Variants in HERC1 observed in about 807,000 individuals in gnomAD.
HERC1 encodes probable E3 ubiquitin-protein ligase HERC1.
A neutral mutation model predicts 554.3 loss-of-function variants in HERC1; 160 were observed. The observed-to-expected ratio is 0.29, with a 90% CI of 0.25 to 0.33. HERC1 has a LOEUF of 0.33. Among genes scored for constraint, HERC1 ranks in the 10% least tolerant of loss-of-function variants. The pLI is 1.00. For missense variants in HERC1, 4,919 were observed against 5,918.5 expected (o/e 0.83, Z 5.54); for synonymous variants, 2,175 against 2,131.7 (o/e 1.02, Z -0.56).
chr15:63,762,180 T>G (rs2075633664), intron 3 of HERC1, among the ~76,000 whole-genome samples: 1 of 152,150 alleles, frequency 6.6e-6, no homozygotes, highest in Non-Finnish European at 1.5e-5. Context: ...CTCTAAAAGA[T>G]TATGAGGCTT....
intron 75 of HERC1, 74 bp from the exon 76 acceptor site, chr15:63,615,994 GGCACA>G: frequency 8.0e-7 from 1 of 1,242,648 alleles, no homozygotes; most frequent in South Asian, 1.5e-5. Flanking sequence ...ATACAAATAC[GGCACA>G]GCAATAACAA....
At position 63,713,649 on chromosome 15, in the gene HERC1, G is replaced by A. The variant is rs754059098; in HGVS notation, c.4167C>T (p.Phe1389=). 1 of 1,609,698 alleles carries A rather than the reference G, an allele frequency of 6.2e-7. No individual in the cohort carries two copies. Among genetic ancestry groups the A allele is most frequent in the African/African-American group, 1.3e-5 (1 of 74,912 alleles). ...TACGAGCTACTTCACGGGCTGAGAG[G>A]AAACACTGAAAGATTTCTGTAACAT... is the stretch of plus-strand genomic sequence containing the variant. The part of the protein sequence containing the change: ...VMTAGKIFQC[F]LSAREVARSR... The change falls in exon 23 of 78, where the codon TTC becomes TTT. Residue 1389 remains phenylalanine (F), a synonymous_variant. Coordinates refer to ENST00000443617, the MANE Select transcript of HERC1 (RefSeq NM_003922.4).
At position 63,715,033 on chromosome 15, in the gene HERC1, G is replaced by C. The variant is rs535017320; in HGVS notation, c.4150+1269C>G. Among the ~76,000 whole-genome samples the C allele has an allele frequency of 2.0e-5, 3 of 152,120 alleles. No homozygotes were observed. The East Asian group carries it at 5.8e-4, about 29-fold the overall frequency. ...AATCAAAGCAATAAACCCTCTCAGA[G>C]TCCAGAGCTAGAAATCAATTAAAGT... On this transcript the variant is annotated intron_variant, in intron 22 of 77. Coordinates refer to ENST00000443617, the MANE Select transcript of HERC1 (RefSeq NM_003922.4).
In HERC1 at chr15:63,679,921, T is replaced by C. The variant is rs140836204; in HGVS notation, c.6549+156A>G. ...GCCTTAATATTAATATATCGTAAAG[T>C]CAATTTCTGAAAGTAACCTTCTTCT... On this transcript the variant is annotated intron_variant, in intron 36 of 77. Coordinates refer to ENST00000443617, the MANE Select transcript of HERC1 (RefSeq NM_003922.4). 1.6e-4 allele frequency among the ~76,000 whole-genome samples: 25 copies of C among 152,322 alleles called. No homozygotes were observed. In the East Asian group the frequency reaches 4.2e-3, roughly 26 times the overall value.
Position 63,612,002 on chromosome 15 carries a change from T to C in HERC1, c.14400+249A>G, listed in dbSNP as rs995560310. On this transcript the variant is annotated intron_variant, in intron 77 of 77. Coordinates refer to ENST00000443617, the MANE Select transcript of HERC1 (RefSeq NM_003922.4). This position sits in a 1 kb window ranked among gnomAD's most constrained non-coding sequence, Gnocchi z 5.0. ...TAGTTCAAGACCAGCCTGGCCAACATGGTGAATCCCCGTCTCTACCAAAAT... is the reference window on the plus strand; with the variant it reads ...TAGTTCAAGACCAGCCTGGCCAACACGGTGAATCCCCGTCTCTACCAAAAT... Among the ~76,000 whole-genome samples, 6 of 152,106 alleles carry C rather than the reference T, an allele frequency of 3.9e-5. No homozygotes were observed. Among genetic ancestry groups the C allele is most frequent in the African/African-American group, 1.2e-4 (5 of 41,424 alleles).
intron 44 of HERC1, among the ~76,000 whole-genome samples, 189 bp from the exon 45 acceptor site, chr15:63,662,210 CCT>C (rs2070392777): frequency 2.0e-5 from 3 of 151,678 alleles, no homozygotes; most frequent in Admixed American, 1.3e-4. Flanking sequence ...TGTTCTTTGC[CCT>C]CTCTCACTCT....
rs1405085125 is a variant in HERC1 at position 63,756,713 on chromosome 15, A to T, written c.1257T>A (p.Ser419=). The T allele has an allele frequency of 1.2e-6, 2 of 1,611,794 alleles. No homozygotes were observed. Among genetic ancestry groups the T allele is most frequent in the African/African-American group, 1.3e-5 (1 of 74,990 alleles). The change falls in exon 5 of 78, where the codon TCT becomes TCA. Residue 419 remains serine (S), a synonymous_variant. Coordinates refer to ENST00000443617, the MANE Select transcript of HERC1 (RefSeq NM_003922.4). The surrounding 1 kb of genome is among the most constrained non-coding windows in gnomAD (Gnocchi z 5.0). ...CGCAAGCTCTAACAGAGCCATCCGTAGAAATGACAAAAGTGCAGTACTGTC... is the reference window on the plus strand; with the variant it reads ...CGCAAGCTCTAACAGAGCCATCCGTTGAAATGACAAAAGTGCAGTACTGTC... ...EAGQYCTFVI[S]TDGSVRACGK...
intron 25 of HERC1, among the ~76,000 whole-genome samples, chr15:63,699,654 T>C (rs1344856907): frequency 2.0e-5 from 3 of 152,170 alleles, no homozygotes; most frequent in Non-Finnish European, 4.4e-5. Flanking sequence ...GACAAGAATA[T>C]GAGATTTACT....
chr15:63,674,666 G>A lies in HERC1; in HGVS notation c.7522C>T (p.Leu2508=). 6.2e-7 allele frequency: 1 copy of A among 1,613,870 alleles called. No individual in the cohort carries two copies. Among genetic ancestry groups the A allele is most frequent in the Non-Finnish European group, 8.5e-7 (1 of 1,179,808 alleles). Residue 2508 remains leucine (L), a synonymous_variant, in exon 38 of 78, where the codon CTG becomes TTG. Coordinates refer to ENST00000443617, the MANE Select transcript of HERC1 (RefSeq NM_003922.4). ...VAQSEIRAVQ[L]SYLYLGAMKS... is the part of the protein sequence containing the mutation. ...ATAGCACCGAGGTAAAGATAGGACA[G>A]CTGGACTGCTCTGATTTCTGACTGG...
intron 68 of HERC1, among the ~76,000 whole-genome samples, chr15:63,631,782 C>T (rs2068569748): frequency 6.6e-6 from 1 of 152,164 alleles, no homozygotes; most frequent in South Asian, 2.1e-4. Context: ...TTTAGGTGAT[C>T]CACCCGCCTC....
Position 63,678,234 on chromosome 15 carries a change from G to A in HERC1, c.6681C>T (p.Asp2227=). The change falls in exon 37 of 78, where the codon GAC becomes GAT. Residue 2227 remains aspartate (D), a synonymous_variant. Coordinates refer to ENST00000443617, the MANE Select transcript of HERC1 (RefSeq NM_003922.4). ...TTTTGTTAATGCAGTAAGTCCAACGGTCTGTTCGGTGAAGGATACGGATGA... is the reference window on the plus strand; with the variant it reads ...TTTTGTTAATGCAGTAAGTCCAACGATCTGTTCGGTGAAGGATACGGATGA... The part of the protein sequence containing the change: ...IQLIRILHRT[D]RWTYCINKKM... 6.2e-7 allele frequency: 1 copy of A among 1,613,654 alleles called. No individual in the cohort carries two copies. Among genetic ancestry groups the A allele is most frequent in the Non-Finnish European group, 8.5e-7 (1 of 1,179,822 alleles).
chr15:63,612,573 T>C lies in HERC1; in HGVS notation c.14095-17A>G. On this transcript the variant is annotated splice_polypyrimidine_tract_variant and intron_variant, in intron 76 of 77. Coordinates refer to ENST00000443617, the MANE Select transcript of HERC1 (RefSeq NM_003922.4). The surrounding 1 kb of genome is among the most constrained non-coding windows in gnomAD (Gnocchi z 5.0). The stretch of plus-strand genomic sequence containing the variant: ...TGCAGCCACCTGCTCCCGGGAGAGG[T>C]TGCTCATTCAATGAGTGTGCGTGAA... The C allele has an allele frequency of 2.5e-6, 4 of 1,606,318 alleles. No homozygotes were observed. The highest frequency in any genetic ancestry group is 1.3e-5 in the African/African-American group (1 of 74,986).
At chr15:63,810,775 T>C (rs2077280354) in intron 1 of HERC1, among the ~76,000 whole-genome samples, 1 of 152,184 alleles carries the variant, frequency 6.6e-6, no homozygotes, top group African/African-American at 2.4e-5. Flanking sequence ...AAAGTGTACA[T>C]TTGCAAAGAA....
intron 65 of HERC1, 31 bp downstream of exon 65, chr15:63,635,930 G>A (rs2068760022): frequency 6.2e-7 from 1 of 1,606,398 alleles, no homozygotes; most frequent in African/African-American, 1.3e-5. Context: ...TATTTACAAT[G>A]AAAGGCAAAC....
In HERC1 at chr15:63,754,525, G is replaced by C. The variant is rs1359444943; in HGVS notation, c.1754C>G (p.Ser585Cys). 6.2e-7 allele frequency: 1 copy of C among 1,607,248 alleles called. No individual in the cohort carries two copies. Among genetic ancestry groups the C allele is most frequent in the Admixed American group, 1.7e-5 (1 of 59,338 alleles). ...ALSKDGRTVW[S>C]FGGGDNGKLG... ...CATACCATTGTCTCCTCCTCCAAAAGACCATACAGTTCTCCCATCTTTAGA... is the reference window on the plus strand; with the variant it reads ...CATACCATTGTCTCCTCCTCCAAAACACCATACAGTTCTCCCATCTTTAGA... Residue 585 changes from serine to cysteine, a missense_variant, in exon 7 of 78, where the codon TCT becomes TGT. Transcript: ENST00000443617.
chr15:63,628,166 G>A (rs1595851392), intron 70 of HERC1, among the ~76,000 whole-genome samples: 1 of 152,126 alleles, frequency 6.6e-6, no homozygotes, highest in Non-Finnish European at 1.5e-5. Flanking sequence ...TGAGGCGGGC[G>A]GATCACTGGA....
At chr15:63,772,306 GA>G (rs1287472618) in intron 2 of HERC1, among the ~76,000 whole-genome samples, 4 of 152,124 alleles carry the variant, frequency 2.6e-5, no homozygotes, top group Non-Finnish European at 4.4e-5. Flanking sequence ...CCTCGAGGAA[GA>G]GGCTTCTGCC....
intron 58 of HERC1, 32 bp downstream of exon 58, chr15:63,643,372 C>A: frequency 6.3e-7 from 1 of 1,580,846 alleles, no homozygotes; most frequent in Non-Finnish European, 8.6e-7. Flanking sequence ...TCAAAATATT[C>A]CTTAACATAA....
rs140819055 is a variant in HERC1, at chr15:63,718,121, C to CACACACACACACACACACACAT, written c.3978+452_3978+453insATGTGTGTGTGTGTGTGTGTGT. On this transcript the variant is annotated intron_variant, in intron 21 of 77. Coordinates refer to ENST00000443617, the MANE Select transcript of HERC1 (RefSeq NM_003922.4). This position sits in a 1 kb window ranked among gnomAD's most constrained non-coding sequence, Gnocchi z 4.2. ...ACACACACACACACACACACACACA[C>CACACACACACACACACACACAT]ACAACCCCCTCCTTGGTTTTCACTT... is the stretch of plus-strand genomic sequence containing the variant. Among the ~76,000 whole-genome samples, 3 of 142,970 alleles carry CACACACACACACACACACACAT rather than the reference C, an allele frequency of 2.1e-5. No homozygotes were observed. The highest frequency in any genetic ancestry group is 3.1e-5 in the Non-Finnish European group (2 of 65,130). The allele number at this position is 142,970 out of a possible 152,430, so 93.8% of individuals were successfully genotyped here. A position where few individuals can be genotyped will look rare whatever the true frequency, so the allele number is the denominator to read the frequency against.
Sources: allele counts gnomAD v4.1 joint callset (sites outside exome capture counted in the v4.1 genomes callset), GRCh38; gene constraint gnomAD v4.1.1; non-coding constraint Gnocchi (gnomAD v3.1); transcripts MANE v1.5; gene names NCBI Gene and HGNC (gene_info 2026-07-23, HGNC 2026-07-21).